SCFD2: variants seen among roughly 807,000 people sequenced by gnomAD.
The protein encoded by SCFD2 is sec1 family domain-containing protein 2.
In SCFD2, 54 loss-of-function variants were observed where a neutral mutation model predicts 58.9. That is an observed-to-expected ratio of 0.92 (90% CI 0.74 to 1.15). The LOEUF is 1.15. Among genes scored for constraint, SCFD2 ranks in the 50% most tolerant of loss-of-function variants. The pLI, the probability that SCFD2 is intolerant of heterozygous loss-of-function variation, is 0.00. For synonymous variants in SCFD2, 321 were observed against 335.9 expected (o/e 0.96, Z 0.49); for missense variants, 805 against 836.6 (o/e 0.96, Z 0.47).
At chr4:52,982,298 T>C (rs1560501130) in intron 5 of SCFD2, among the ~76,000 whole-genome samples, 1 of 152,204 alleles carries the variant, frequency 6.6e-6, no homozygotes, top group Non-Finnish European at 1.5e-5. Flanking sequence ...ATCAGAATTG[T>C]GATGTAGTTT....
At chr4:53,193,650 T>C (rs1727977932) in intron 4 of SCFD2, among the ~76,000 whole-genome samples, 1 of 152,166 alleles carries the variant, frequency 6.6e-6, no homozygotes, top group Non-Finnish European at 1.5e-5. Flanking sequence ...CCAAGAGCAG[T>C]TACTTATATG....
intron 3 of SCFD2, among the ~76,000 whole-genome samples, chr4:53,308,760 A>C (rs1420049148): frequency 1.3e-5 from 2 of 152,244 alleles, no homozygotes; most frequent in African/African-American, 4.8e-5. Flanking sequence ...ATACTGCTAA[A>C]TGTTGAAATT....
At chr4:53,027,029 AG>A (rs1333960710) in intron 5 of SCFD2, among the ~76,000 whole-genome samples, 12 of 152,234 alleles carry the variant, frequency 7.9e-5, no homozygotes, top group African/African-American at 2.9e-4. Context: ...ATATACACCA[AG>A]GTAACAATCT....
chr4:53,134,300 A>G (rs536531841), intron 5 of SCFD2, among the ~76,000 whole-genome samples: 2 of 152,232 alleles, frequency 1.3e-5, no homozygotes, highest in Non-Finnish European at 2.9e-5. Context: ...ACAATACCGT[A>G]TTGTACACTT....
intron 2 of SCFD2, among the ~76,000 whole-genome samples, chr4:53,343,962 GCTAT>G (rs2149151671): frequency 6.6e-6 from 1 of 151,720 alleles, no homozygotes; most frequent in Admixed American, 6.6e-5. Flanking sequence ...CTCAAAAAGA[GCTAT>G]CTATGACAAA....
At chr4:52,920,225 G>T (rs1185363634) in intron 6 of SCFD2, among the ~76,000 whole-genome samples, 1 of 152,102 alleles carries the variant, frequency 6.6e-6, no homozygotes, top group Non-Finnish European at 1.5e-5. Flanking sequence ...ATTCTTCTTA[G>T]GTCCTCCTGC....
intron 1 of SCFD2, among the ~76,000 whole-genome samples, chr4:53,353,087 C>T (rs569375122): frequency 6.6e-6 from 1 of 152,184 alleles, no homozygotes; most frequent in African/African-American, 2.4e-5. Flanking sequence ...AGACCCTCAA[C>T]GGTGAGTGTT....
intron 5 of SCFD2, among the ~76,000 whole-genome samples, chr4:52,927,623 G>T (rs1719892976): frequency 6.6e-6 from 1 of 152,170 alleles, no homozygotes; most frequent in African/African-American, 2.4e-5. Context: ...CAGTATGTGA[G>T]AACATTTAAT....
At chr4:52,922,347 G>A (rs1363417124) in intron 5 of SCFD2, among the ~76,000 whole-genome samples, 2 of 150,790 alleles carry the variant, frequency 1.3e-5, no homozygotes, top group African/African-American at 4.9e-5. Context: ...AGTCACCCCC[G>A]ATTTCTGCCC....
chr4:52,974,901 C>CAA, intron 5 of SCFD2, among the ~76,000 whole-genome samples: 1 of 152,112 alleles, frequency 6.6e-6, no homozygotes, highest in South Asian at 2.1e-4. Context: ...ACAAACCTGA[C>CAA]AAAAACAAGA....
At chr4:52,939,432 T>C (rs540462292) in intron 5 of SCFD2, among the ~76,000 whole-genome samples, 1 of 152,296 alleles carries the variant, frequency 6.6e-6, no homozygotes, top group East Asian at 1.9e-4. Flanking sequence ...GATTATACTA[T>C]GTTGTCTATA....
chr4:53,204,487 T>A (rs1286833766), intron 4 of SCFD2, among the ~76,000 whole-genome samples: 1 of 149,556 alleles, frequency 6.7e-6, no homozygotes, highest in Non-Finnish European at 1.5e-5. Flanking sequence ...TAAAAAGCTT[T>A]GAAGATAAAG....
chr4:52,940,341 A>C (rs886088176), intron 5 of SCFD2, among the ~76,000 whole-genome samples: 8 of 152,206 alleles, frequency 5.3e-5, no homozygotes, highest in South Asian at 2.1e-4. Context: ...TCAGTTTCAC[A>C]GGGAGATCCC....
At chr4:52,994,438 A>G (rs1236085912) in intron 5 of SCFD2, among the ~76,000 whole-genome samples, 2 of 152,234 alleles carry the variant, frequency 1.3e-5, no homozygotes, top group African/African-American at 4.8e-5. Flanking sequence ...TGCCCAAGTC[A>G]GTGCCATCGG....
chr4:52,971,202 C>G (rs6554061), intron 5 of SCFD2, among the ~76,000 whole-genome samples: 58,811 of 151,864 alleles, frequency 0.39, 12,019 homozygotes, highest in Admixed American at 0.53. Flanking sequence ...GAAGGCTTCA[C>G]AAGATCAAAC....
chr4:52,940,183 A>G (rs767894860), intron 5 of SCFD2, among the ~76,000 whole-genome samples: 2 of 152,218 alleles, frequency 1.3e-5, no homozygotes, highest in South Asian at 4.1e-4. Context: ...GATAGAATGA[A>G]CAGCCGTTGG....
At chr4:53,312,408 C>G (rs1193539353) in intron 3 of SCFD2, among the ~76,000 whole-genome samples, 1 of 152,104 alleles carries the variant, frequency 6.6e-6, no homozygotes, top group African/African-American at 2.4e-5. Flanking sequence ...GTTTCAGTTT[C>G]CCTACCTGCA....
intron 2 of SCFD2, among the ~76,000 whole-genome samples, chr4:53,334,783 G>A (rs529087116): frequency 5.3e-5 from 8 of 152,174 alleles, no homozygotes; most frequent in African/African-American, 1.7e-4. Flanking sequence ...CTAAAGCAGT[G>A]GATTAAAATT....
At chr4:52,940,203 G>C (rs1375549256) in intron 5 of SCFD2, among the ~76,000 whole-genome samples, 1 of 152,164 alleles carries the variant, frequency 6.6e-6, no homozygotes, top group East Asian at 1.9e-4. Flanking sequence ...GGGTGGAAAG[G>C]TGCCTGAGGA....
Sources: gnomAD v4.1 joint callset for allele counts (sites outside exome capture counted in the v4.1 genomes callset) on GRCh38, gnomAD v4.1.1 for gene constraint, MANE v1.5 for transcripts, NCBI Gene and HGNC (gene_info 2026-07-23, HGNC 2026-07-21) for gene names.